The following CDH18 variants were observed in gnomAD, a reference collection of about 807,000 sequenced individuals.
CDH18 encodes the protein cadherin-18.
Under a neutral mutation model 67.9 loss-of-function variants are expected in CDH18, and 31 were observed. That is an observed-to-expected ratio of 0.46 (90% CI 0.34 to 0.62). The LOEUF is 0.62. Ranked by LOEUF, CDH18 falls within the 20% of genes least tolerant of loss-of-function variation. The pLI is 0.01. For synonymous variants in CDH18, 362 were observed against 347.2 expected (o/e 1.04, Z -0.48); for missense variants, 890 against 975.5 (o/e 0.91, Z 1.17).
chr5:20,305,046 C>T, intron 1 of CDH18: 2 of 1,606,482 alleles, frequency 1.2e-6, no homozygotes, highest in Admixed American at 1.7e-5. Context: ...GCTGACTGTC[C>T]CCATTAGTTT....
At chr5:20,530,971 T>G (rs774737222) in intron 1 of CDH18, among the ~76,000 whole-genome samples, 2 of 152,078 alleles carry the variant, frequency 1.3e-5, no homozygotes, top group Non-Finnish European at 2.9e-5. Flanking sequence ...TGGAATAAAA[T>G]TTTTGCAATC....
At chr5:20,361,965 T>G (rs1490903256) in intron 1 of CDH18, among the ~76,000 whole-genome samples, 2 of 152,262 alleles carry the variant, frequency 1.3e-5, no homozygotes, top group African/African-American at 4.8e-5. Flanking sequence ...CAATTTTAAT[T>G]GACTGTAAAC....
chr5:19,801,981 A>G lies in CDH18; in HGVS notation c.228+36778T>C, dbSNP rs73761830. Reference sequence around the variant, plus strand: ...CAAAATTGAAAAATCACCCTCATCAATTTAATTAAATGGAACACTAATAAC... The same window carrying G: ...CAAAATTGAAAAATCACCCTCATCAGTTTAATTAAATGGAACACTAATAAC... On this transcript the variant is annotated intron_variant, in intron 3 of 12. Transcript: ENST00000382275. 7.7e-3 allele frequency among the ~76,000 whole-genome samples: 1,173 copies of G among 152,298 alleles called. 13 individuals carry two copies. The highest frequency in any genetic ancestry group is 0.026 in the African/African-American group (1,098 of 41,570).
At chr5:19,661,384 G>A (rs996736388) in intron 5 of CDH18, among the ~76,000 whole-genome samples, 1 of 151,792 alleles carries the variant, frequency 6.6e-6, no homozygotes, top group Non-Finnish European at 1.5e-5. Flanking sequence ...TAATCTTGGT[G>A]TGCTTGTAAA....
chr5:19,966,664 A>G (rs1797467857), intron 2 of CDH18, among the ~76,000 whole-genome samples: 1 of 152,042 alleles, frequency 6.6e-6, no homozygotes, highest in Non-Finnish European at 1.5e-5. Context: ...ATCAGCTCAA[A>G]GCCTGTTTTT....
rs1787523368 is a variant in CDH18 at position 19,880,535 on chromosome 5, A to G, written c.-256-41293T>C. On this transcript the variant is annotated intron_variant, in intron 2 of 12. Transcript: ENST00000382275. ...TGTTGAAGAGCTCCTCTGAATTGCA[A>G]TATTTTTGGTTGATACACATGTGTA... 5.3e-5 allele frequency among the ~76,000 whole-genome samples: 8 copies of G among 152,230 alleles called. No individual in the cohort carries two copies. The South Asian group carries it at 1.7e-3, about 32-fold the overall frequency.
intron 1 of CDH18, among the ~76,000 whole-genome samples, chr5:20,456,926 A>C (rs2150216122): frequency 6.6e-6 from 1 of 152,334 alleles, no homozygotes; most frequent in East Asian, 1.9e-4. Flanking sequence ...TCGGGTTGAC[A>C]TTTACGAAGT....
chr5:19,810,330 CA>C (rs951548300), intron 3 of CDH18, among the ~76,000 whole-genome samples: 1 of 148,382 alleles, frequency 6.7e-6, no homozygotes, highest in East Asian at 2.0e-4. Flanking sequence ...GACTCCGTCT[CA>C]AAAAAAATAA....
At chr5:20,408,107 A>G (rs917420445) in intron 1 of CDH18, among the ~76,000 whole-genome samples, 1 of 152,098 alleles carries the variant, frequency 6.6e-6, no homozygotes. Context: ...GGCCTGGGAT[A>G]AATTACTGAA....
At chr5:19,835,479 G>GT (rs1184706365) in intron 3 of CDH18, among the ~76,000 whole-genome samples, 89 of 150,836 alleles carry the variant, frequency 5.9e-4, no homozygotes, top group African/African-American at 1.6e-3. Context: ...TTGTTTCTCT[G>GT]TATTTTTTTA....
chr5:20,195,182 T>C (rs976075520), intron 2 of CDH18, among the ~76,000 whole-genome samples: 1 of 152,064 alleles, frequency 6.6e-6, no homozygotes, highest in Non-Finnish European at 1.5e-5. Context: ...AAATTTGTAT[T>C]TCATAAACAG....
intron 1 of CDH18, among the ~76,000 whole-genome samples, chr5:20,438,188 A>G (rs1277000302): frequency 1.3e-5 from 2 of 151,016 alleles, no homozygotes; most frequent in South Asian, 2.1e-4. Context: ...ACATGGATCA[A>G]GGAATGAATT....
At chr5:20,081,350 A>C (rs1200732563) in intron 2 of CDH18, among the ~76,000 whole-genome samples, 2 of 152,194 alleles carry the variant, frequency 1.3e-5, no homozygotes, top group Non-Finnish European at 2.9e-5. Context: ...ATGTTGGCTC[A>C]TACACTGCTA....
chr5:19,993,712 A>G (rs1800110671), intron 2 of CDH18, among the ~76,000 whole-genome samples: 1 of 152,100 alleles, frequency 6.6e-6, no homozygotes, highest in South Asian at 2.1e-4. Context: ...ATATACACGC[A>G]TATAGATAGA....
At chr5:20,343,211 T>C (rs1370436281) in intron 1 of CDH18, among the ~76,000 whole-genome samples, 2 of 152,208 alleles carry the variant, frequency 1.3e-5, no homozygotes, top group African/African-American at 4.8e-5. Context: ...GTCTGACACC[T>C]GTAGAGCCCT....
chr5:20,486,683 A>G (rs372444771), intron 1 of CDH18, among the ~76,000 whole-genome samples: 4,865 of 142,392 alleles, frequency 0.034, 273 homozygotes, highest in African/African-American at 0.11. Context: ...CTATTTTTGT[A>G]TATATATATA....
At chr5:20,194,739 C>T (rs757382600) in intron 2 of CDH18, among the ~76,000 whole-genome samples, 11 of 151,862 alleles carry the variant, frequency 7.2e-5, no homozygotes, top group Non-Finnish European at 1.0e-4. Context: ...TAACATTTCC[C>T]TGAATACTAG....
At chr5:19,725,060 G>A (rs1021758397) in intron 4 of CDH18, among the ~76,000 whole-genome samples, 1 of 151,820 alleles carries the variant, frequency 6.6e-6, no homozygotes, top group Admixed American at 6.6e-5. Context: ...CTGAGTAGCT[G>A]GGACTACAGG....
intron 2 of CDH18, among the ~76,000 whole-genome samples, chr5:20,193,684 T>C (rs1738723631): frequency 6.6e-6 from 1 of 152,080 alleles, no homozygotes; most frequent in South Asian, 2.1e-4. Context: ...GGATGAACAC[T>C]GATGCCAAAA....
Sources: allele counts gnomAD v4.1 joint callset (sites outside exome capture counted in the v4.1 genomes callset), GRCh38; gene constraint gnomAD v4.1.1; transcripts MANE v1.5; gene names NCBI Gene and HGNC (gene_info 2026-07-23, HGNC 2026-07-21).